TSPAN11: variants seen among roughly 807,000 people sequenced by gnomAD.
TSPAN11 encodes the protein tetraspanin 11, also known as tetraspanin-11.
A neutral mutation model predicts 32.9 loss-of-function variants in TSPAN11; 29 were observed. The observed-to-expected ratio is 0.88, with a 90% CI of 0.66 to 1.20. The LOEUF is 1.20. Ranked by LOEUF, TSPAN11 falls within the 50% of genes most tolerant of loss-of-function variation. TSPAN11 has a pLI of 0.00. For missense variants in TSPAN11, 283 were observed against 329.1 expected, an observed-to-expected ratio of 0.86 and a Z score of 1.08; for synonymous variants, 140 against 141.3, an observed-to-expected ratio of 0.99 and a Z score of 0.07.
At chr12:30,980,565 C>T (rs536101606) in intron 5 of TSPAN11, among the ~76,000 whole-genome samples, 119 of 152,166 alleles carry the variant, frequency 7.8e-4, no homozygotes, top group Admixed American at 1.8e-3. Flanking sequence ...CCCCCACCCC[C>T]TGGACCTGGC....
intron 1 of TSPAN11, among the ~76,000 whole-genome samples, chr12:30,939,220 G>A (rs546292104): frequency 7.1e-6 from 1 of 140,168 alleles, no homozygotes; most frequent in East Asian, 2.2e-4. Context: ...CAGCCTGGGC[G>A]ACAGAGCAAG....
At position 30,978,654 on chromosome 12, in the gene TSPAN11, T is replaced by G; in HGVS notation, c.351+19T>G. ...CCAGAGGGTAAGTGACGTTTCCTCC[T>G]CCTGCATCCTCTGTCAGTGTCCTGA... On this transcript the variant is annotated intron_variant, in intron 4 of 7. Transcript: ENST00000546076. The G allele has an allele frequency of 1.2e-6, 2 of 1,612,452 alleles. No individual in the cohort carries two copies. The highest frequency in any genetic ancestry group is 1.7e-6 in the Non-Finnish European group (2 of 1,178,444).
At chr12:30,963,508 C>T (rs950587294) in intron 2 of TSPAN11, among the ~76,000 whole-genome samples, 4 of 152,164 alleles carry the variant, frequency 2.6e-5, no homozygotes, top group East Asian at 1.9e-4. Flanking sequence ...GACTCAGATA[C>T]GTTGATCATC....
the TSPAN11 span, among the ~76,000 whole-genome samples, chr12:31,005,046 A>G: frequency 6.6e-6 from 1 of 152,188 alleles, no homozygotes; most frequent in African/African-American, 2.4e-5. Context: ...AAGGCTGGTG[A>G]GTCTCATCTG....
At chr12:30,976,046 A>C (rs1938964289) in intron 3 of TSPAN11, among the ~76,000 whole-genome samples, 1 of 152,160 alleles carries the variant, frequency 6.6e-6, no homozygotes, top group African/African-American at 2.4e-5. Flanking sequence ...AGAGCCCCTG[A>C]GTCAAGGAGA....
At chr12:31,002,347 C>A in the TSPAN11 span, among the ~76,000 whole-genome samples, 1 of 152,206 alleles carries the variant, frequency 6.6e-6, no homozygotes, top group Non-Finnish European at 1.5e-5. The surrounding 1 kb of genome is among the most constrained non-coding windows in gnomAD (Gnocchi z 4.8). Flanking sequence ...GTCAGACCCA[C>A]ATGCACACTC....
Position 30,992,102 on chromosome 12 carries a change from G to A in TSPAN11, c.*187G>A, listed in dbSNP as rs1039771183. The A allele has an allele frequency of 1.9e-5, 12 of 643,956 alleles. No individual in the cohort carries two copies. The highest frequency in any genetic ancestry group is 5.5e-5 in the African/African-American group (3 of 54,826). 39.9% of individuals were successfully genotyped at this position (643,956 alleles called of 1,614,324 possible). A position where few individuals can be genotyped will look rare whatever the true frequency, so the allele number is the denominator to read the frequency against. ...TGTGCCCACCCAGGCAGAGACCCTC[G>A]GCCCCCTCTCCTCCATTTCTGAGCC... On this transcript the variant is annotated 3_prime_UTR_variant, in exon 8 of 8. Coordinates refer to ENST00000546076, the MANE Select transcript of TSPAN11 (RefSeq NM_001370302.1).
At position 30,960,142 on chromosome 12, in the gene TSPAN11, G is replaced by A. The variant is rs1000795654; in HGVS notation, c.85-3684G>A. ...TGTCTGTGGGTGGGTGGGTGGGTGG[G>A]TGATGGCGCGGCGCCATGTATGAGA... On this transcript the variant is annotated intron_variant, in intron 2 of 7. Coordinates refer to ENST00000546076, the MANE Select transcript of TSPAN11 (RefSeq NM_001370302.1). Among the ~76,000 whole-genome samples, 8 of 123,114 alleles carry A rather than the reference G, an allele frequency of 6.5e-5. No individual in the cohort carries two copies. The South Asian group carries it at 1.2e-3, about 19-fold the overall frequency. 80.8% of individuals were successfully genotyped at this position (123,114 alleles called of 152,430 possible).
At chr12:30,982,236 G>A (rs1203596926) in intron 5 of TSPAN11, among the ~76,000 whole-genome samples, 1 of 152,122 alleles carries the variant, frequency 6.6e-6, no homozygotes, top group Non-Finnish European at 1.5e-5. Context: ...GACCCACCTC[G>A]CAGACCCGTC....
rs928424690 is a variant in TSPAN11, at chr12:30,982,514, C to T, written c.457-18C>T. 2.6e-5 allele frequency: 42 copies of T among 1,597,074 alleles called. No individual in the cohort carries two copies. The highest frequency in any genetic ancestry group is 5.0e-5 in the Admixed American group (3 of 59,600). ...CAGGCCTCTCACCTCCAGCCTCTGC[C>T]TCTGCCTCTGCCTCCAGTTCAAGTG... is the stretch of plus-strand genomic sequence containing the variant. On this transcript the variant is annotated intron_variant, in intron 5 of 7. Coordinates refer to ENST00000546076, the MANE Select transcript of TSPAN11 (RefSeq NM_001370302.1).
At chr12:30,951,279 G>A (rs558148211) in intron 1 of TSPAN11, among the ~76,000 whole-genome samples, 42 of 152,300 alleles carry the variant, frequency 2.8e-4, no homozygotes, top group African/African-American at 8.9e-4. Context: ...ATACCTAGCA[G>A]GACAGGAGGC....
intron 1 of TSPAN11, among the ~76,000 whole-genome samples, chr12:30,946,775 A>T (rs1938276585): frequency 6.6e-6 from 1 of 152,214 alleles, no homozygotes; most frequent in African/African-American, 2.4e-5. Context: ...TTCAGAGGCC[A>T]AAGAAAAGAC....
chr12:30,984,506 A>C (rs985114589), intron 7 of TSPAN11, among the ~76,000 whole-genome samples: 9 of 149,428 alleles, frequency 6.0e-5, no homozygotes, highest in African/African-American at 2.0e-4. Flanking sequence ...TCCACACAAC[A>C]ACCTGAGACC....
At chr12:30,987,169 C>T (rs1939216130) in intron 7 of TSPAN11, among the ~76,000 whole-genome samples, 3 of 152,154 alleles carry the variant, frequency 2.0e-5, no homozygotes, top group Admixed American at 1.3e-4. Context: ...TAGGGTGCTG[C>T]CCACAAAGAT....
chr12:30,972,120 G>A lies in TSPAN11; in HGVS notation c.277-6441G>A, dbSNP rs200425987. On this transcript the variant is annotated intron_variant, in intron 3 of 7. Coordinates refer to ENST00000546076, the MANE Select transcript of TSPAN11 (RefSeq NM_001370302.1). ...TACAGGAGCTTTCTTTGGAATTCTC[G>A]TTACCTGTTTCCGTCAGACCACAGG... 1.1e-3 allele frequency among the ~76,000 whole-genome samples: 173 copies of A among 152,288 alleles called. 1 individual carries two copies. Among genetic ancestry groups the A allele is most frequent in the South Asian group, 4.4e-3 (21 of 4,824 alleles).
the TSPAN11 span, among the ~76,000 whole-genome samples, chr12:31,007,620 T>C: frequency 6.6e-6 from 1 of 151,976 alleles, no homozygotes; most frequent in Non-Finnish European, 1.5e-5. Flanking sequence ...CATCCCCTCT[T>C]TGCTTCCAGG....
the TSPAN11 span, among the ~76,000 whole-genome samples, chr12:31,006,816 AT>A: frequency 6.6e-6 from 1 of 152,138 alleles, no homozygotes; most frequent in Non-Finnish European, 1.5e-5. Flanking sequence ...TCCCTATGGC[AT>A]TTTTTTCTTG....
intron 1 of TSPAN11, among the ~76,000 whole-genome samples, chr12:30,948,400 A>C (rs112134241): frequency 2.0e-5 from 3 of 152,174 alleles, no homozygotes; most frequent in Non-Finnish European, 4.4e-5. Context: ...CCGCCCCTGC[A>C]GCAAACTTTT....
At chr12:31,005,654 C>T in the TSPAN11 span, 1 of 152,632 alleles carries the variant, frequency 6.6e-6, no homozygotes, top group African/African-American at 2.4e-5. Flanking sequence ...TGGGTGGGCG[C>T]AGGGGTCATA....
Sources: gnomAD v4.1 joint callset for allele counts (sites outside exome capture counted in the v4.1 genomes callset) on GRCh38, gnomAD v4.1.1 for gene constraint, Gnocchi (gnomAD v3.1) non-coding constraint, MANE v1.5 for transcripts, NCBI Gene and HGNC (gene_info 2026-07-23, HGNC 2026-07-21) for gene names.